Variants in DYNC2H1 observed in about 807,000 individuals in gnomAD.
DYNC2H1 encodes cytoplasmic dynein 2 heavy chain 1.
Under a neutral mutation model 570.0 loss-of-function variants are expected in DYNC2H1, and 410 were observed. That is an observed-to-expected ratio of 0.72 (90% CI 0.66 to 0.78). DYNC2H1 has a LOEUF of 0.78. Among genes scored for constraint, DYNC2H1 ranks in the 30% least tolerant of loss-of-function variants. The probability of loss-of-function intolerance (pLI) is 0.00; values close to 1 mark genes in which losing one functional copy is unlikely to be tolerated. For missense variants in DYNC2H1, 4,865 were observed against 5,046.4 expected (o/e 0.96, Z 1.09); for synonymous variants, 1,688 against 1,677.6 (o/e 1.01, Z -0.15).
chr11:103,197,132 G>A (rs1565387159), intron 47 of DYNC2H1, among the ~76,000 whole-genome samples: 1 of 149,126 alleles, frequency 6.7e-6, no homozygotes, highest in Admixed American at 6.7e-5. Flanking sequence ...AATTTGGTCA[G>A]TTTTTTTTTT....
intron 80 of DYNC2H1, among the ~76,000 whole-genome samples, 198 bp from the exon 81 acceptor site, chr11:103,320,831 T>G (rs940272957): frequency 6.6e-6 from 1 of 152,172 alleles, no homozygotes; most frequent in Non-Finnish European, 1.5e-5. Context: ...AAGGATTAAG[T>G]GAATTTATAC....
rs923119798 is a variant in DYNC2H1, at chr11:103,123,009, A to G, written c.1661+9A>G. ...TCCAGATCTGGTTTGTGGTAAGTAT[A>G]GATATATTAAACTGTAAAATCCAAA... On this transcript the variant is annotated intron_variant, in intron 11 of 88. Coordinates refer to ENST00000375735, the MANE Select transcript of DYNC2H1 (RefSeq NM_001377.3). 3 of 1,390,758 alleles carry G rather than the reference A, an allele frequency of 2.2e-6. No homozygotes were observed. The African/African-American group carries it at 4.3e-5, about 20-fold the overall frequency. The allele number at this position is 1,390,758 out of a possible 1,614,324, so 86.2% of individuals were successfully genotyped here.
At chr11:103,401,470 C>T (rs1449440144) in intron 84 of DYNC2H1, among the ~76,000 whole-genome samples, 15 of 151,998 alleles carry the variant, frequency 9.9e-5, no homozygotes, top group Non-Finnish European at 2.1e-4. Flanking sequence ...ATTTTGAGGT[C>T]TCTAAAGCCA....
intron 78 of DYNC2H1, among the ~76,000 whole-genome samples, chr11:103,310,309 T>C (rs552376430): frequency 6.6e-6 from 1 of 152,222 alleles, no homozygotes; most frequent in Non-Finnish European, 1.5e-5. Context: ...AATGGTTGTT[T>C]TGTATTTGCT....
At chr11:103,255,004 CT>C (rs1300367176) in intron 66 of DYNC2H1, among the ~76,000 whole-genome samples, 2 of 152,044 alleles carry the variant, frequency 1.3e-5, no homozygotes, top group East Asian at 3.9e-4. Context: ...AACTCCTTAC[CT>C]CGTGATCCAC....
rs1322344111 is a variant in DYNC2H1, at chr11:103,395,874, G to A, written c.12157-3789G>A. Reference sequence around the variant, plus strand: ...AGGAAATGATTATCTAAAGAGGAATGAAGGGTTACTTGAGGGCAAAGGTAG... The same window carrying A: ...AGGAAATGATTATCTAAAGAGGAATAAAGGGTTACTTGAGGGCAAAGGTAG... On this transcript the variant is annotated intron_variant, in intron 83 of 88. Transcript: ENST00000375735. The surrounding 1 kb of genome is among the most constrained non-coding windows in gnomAD (Gnocchi z 4.3). Among the ~76,000 whole-genome samples the A allele has an allele frequency of 6.6e-6, 1 of 152,182 alleles. No individual in the cohort carries two copies. Among genetic ancestry groups the A allele is most frequent in the Non-Finnish European group, 1.5e-5 (1 of 68,032 alleles).
chr11:103,446,037 T>TTTGTTGTTGTTGTTGTTGTTGTTG lies in DYNC2H1; in HGVS notation c.12457-9140_12457-9117dup, dbSNP rs61565760. Among the ~76,000 whole-genome samples the TTTGTTGTTGTTGTTGTTGTTGTTG allele has an allele frequency of 1.3e-5, 2 of 150,590 alleles. No homozygotes were observed. Among genetic ancestry groups the TTTGTTGTTGTTGTTGTTGTTGTTG allele is most frequent in the South Asian group, 4.2e-4 (2 of 4,746 alleles). The stretch of plus-strand genomic sequence containing the variant: ...TGACAATATGGTAATAGAGCAGAGT[T>TTTGTTGTTGTTGTTGTTGTTGTTG]TTGTTGTTGTTGTTGTTGTTGTTGT... On this transcript the variant is annotated intron_variant, in intron 85 of 88. Coordinates refer to ENST00000375735, the MANE Select transcript of DYNC2H1 (RefSeq NM_001377.3). The surrounding 1 kb of genome is among the most constrained non-coding windows in gnomAD (Gnocchi z 4.5).
At chr11:103,276,249 T>C (rs1865902126) in intron 70 of DYNC2H1, among the ~76,000 whole-genome samples, 2 of 152,172 alleles carry the variant, frequency 1.3e-5, no homozygotes. Context: ...TTTACGTATG[T>C]AGGTGTGATT....
Position 103,129,155 on chromosome 11 carries a change from T to A in DYNC2H1, c.1953+150T>A. On this transcript the variant is annotated intron_variant, in intron 13 of 88. Coordinates refer to ENST00000375735, the MANE Select transcript of DYNC2H1 (RefSeq NM_001377.3). This position sits in a 1 kb window ranked among gnomAD's most constrained non-coding sequence, Gnocchi z 4.1. ...TTCCTTCAATCTTAGCAAGTAAAATTATTTTTTCTAACTGTAGGTTTAAGT... is the reference window on the plus strand; with the variant it reads ...TTCCTTCAATCTTAGCAAGTAAAATAATTTTTTCTAACTGTAGGTTTAAGT... 1 of 614,402 alleles carries A rather than the reference T, an allele frequency of 1.6e-6. No homozygotes were observed. The highest frequency in any genetic ancestry group is 3.1e-5 in the East Asian group (1 of 32,360). The allele number at this position is 614,402 out of a possible 1,614,324, so 38.1% of individuals were successfully genotyped here. A position where few individuals can be genotyped will look rare whatever the true frequency, so the allele number is the denominator to read the frequency against.
At chr11:103,470,451 T>C (rs942185143) in intron 88 of DYNC2H1, among the ~76,000 whole-genome samples, 9 of 152,234 alleles carry the variant, frequency 5.9e-5, no homozygotes, top group African/African-American at 1.9e-4. Context: ...CTTTAAGTTT[T>C]AGGGTACATG....
chr11:103,192,144 G>C lies in DYNC2H1; in HGVS notation c.7588G>C (p.Glu2530Gln). Residue 2530 changes from glutamate (E) to glutamine (Q), a missense_variant, in exon 47 of 89, where the codon GAG becomes CAG. Transcript: ENST00000375735. ...LDYVLEIVAY[E>Q]ARRLFRDKIV... is the part of the protein sequence containing the mutation. ...TTATGTGTTAGAAATTGTAGCATAT[G>C]AGGCACGGCGCTTATTTCGTGACAA... 6 of 1,559,804 alleles carry C rather than the reference G, an allele frequency of 3.8e-6. No homozygotes were observed. Among genetic ancestry groups the C allele is most frequent in the Non-Finnish European group, 5.2e-6 (6 of 1,148,948 alleles).
chr11:103,468,342 C>CAGAT (rs1209265433), intron 87 of DYNC2H1: 2 of 282,890 alleles, frequency 7.1e-6, no homozygotes, highest in East Asian at 1.4e-4. Flanking sequence ...AGTTGTATAA[C>CAGAT]AGATGAGATT....
At chr11:103,178,196 T>A (rs542629740) in intron 38 of DYNC2H1, among the ~76,000 whole-genome samples, 264 of 152,270 alleles carry the variant, frequency 1.7e-3, no homozygotes, top group South Asian at 4.4e-3. Flanking sequence ...CTCATTAGTT[T>A]GAATAAAGTA....
intron 70 of DYNC2H1, among the ~76,000 whole-genome samples, chr11:103,278,493 A>G (rs1865997916): frequency 1.3e-5 from 2 of 152,170 alleles, no homozygotes; most frequent in African/African-American, 2.4e-5. Flanking sequence ...GTTTCTGGCT[A>G]AGGTCACCTG....
At chr11:103,134,514 A>G in intron 15 of DYNC2H1, 95 bp downstream of exon 15, 1 of 859,152 alleles carries the variant, frequency 1.2e-6, no homozygotes, top group Non-Finnish European at 1.7e-6. Flanking sequence ...CATAAAAGTT[A>G]TCTTTAAATC....
In DYNC2H1 at chr11:103,202,192, C is replaced by T. The variant is rs533009278; in HGVS notation, c.8198-1471C>T. Among the ~76,000 whole-genome samples, 13 of 151,826 alleles carry T rather than the reference C, an allele frequency of 8.6e-5. No individual in the cohort carries two copies. In the South Asian group the frequency reaches 1.7e-3, roughly 19 times the overall value. On this transcript the variant is annotated intron_variant, in intron 50 of 88. Transcript: ENST00000375735. ...TAGTAGTACTTGAGTGGACTTAGAG[C>T]GTTCCATCTTTTGATATTTAAGGAA... is the stretch of plus-strand genomic sequence containing the variant.
At chr11:103,273,494 A>T (rs1267905122) in intron 70 of DYNC2H1, among the ~76,000 whole-genome samples, 1 of 152,042 alleles carries the variant, frequency 6.6e-6, no homozygotes, top group African/African-American at 2.4e-5. Flanking sequence ...CAGCCCCTTA[A>T]TTTTTTTATT....
At chr11:103,120,895 T>C (rs368812451) in intron 8 of DYNC2H1, 30 bp from the exon 9 acceptor site, 14 of 1,309,846 alleles carry the variant, frequency 1.1e-5, no homozygotes, top group Non-Finnish European at 1.4e-5. Flanking sequence ...TCCGTTGGGA[T>C]GAACATGTAC....
intron 59 of DYNC2H1, among the ~76,000 whole-genome samples, chr11:103,230,855 G>A (rs1035780132): frequency 6.6e-6 from 1 of 152,078 alleles, no homozygotes; most frequent in Non-Finnish European, 1.5e-5. Flanking sequence ...GAGAAACAGA[G>A]TGAGACTCTG....
Sources: gnomAD v4.1 joint callset for allele counts (sites outside exome capture counted in the v4.1 genomes callset) on GRCh38, gnomAD v4.1.1 for gene constraint, Gnocchi (gnomAD v3.1) non-coding constraint, MANE v1.5 for transcripts, NCBI Gene and HGNC (gene_info 2026-07-23, HGNC 2026-07-21) for gene names.